The following RPH3A variants were observed in gnomAD, a reference collection of about 807,000 sequenced individuals.
RPH3A encodes the protein rabphilin 3A, also known as rabphilin-3A.
In RPH3A, 48 loss-of-function variants were observed where a neutral mutation model predicts 102.2. The observed-to-expected ratio is 0.47, with a 90% CI of 0.37 to 0.60. The LOEUF (loss-of-function observed/expected upper bound fraction) is 0.60. RPH3A is among the 20% of genes least tolerant of loss of function. RPH3A has a pLI of 0.00. For synonymous variants in RPH3A, 310 were observed against 324.3 expected, an observed-to-expected ratio of 0.96 and a Z score of 0.47; for missense variants, 781 against 910.1, an observed-to-expected ratio of 0.86 and a Z score of 1.83.
chr12:112,606,522 C>T (rs2039598038), intron 1 of RPH3A, among the ~76,000 whole-genome samples: 2 of 151,950 alleles, frequency 1.3e-5, no homozygotes, highest in South Asian at 4.1e-4. Flanking sequence ...GCTGGGATTA[C>T]AGTGCCCGCC....
intron 1 of RPH3A, among the ~76,000 whole-genome samples, chr12:112,743,360 G>C (rs554855992): frequency 3.3e-4 from 50 of 152,312 alleles, no homozygotes; most frequent in Admixed American, 3.1e-3. Context: ...CTCTAGATGT[G>C]CCACTGGGTA....
At chr12:112,802,031 T>C (rs2041364895) in intron 2 of RPH3A, among the ~76,000 whole-genome samples, 1 of 152,226 alleles carries the variant, frequency 6.6e-6, no homozygotes, top group Non-Finnish European at 1.5e-5. Context: ...TTTTCTTATG[T>C]GAGTTTCCCT....
rs567075460 is a variant in RPH3A, at chr12:112,805,136, AT to A, written c.-19+12880del. Among the ~76,000 whole-genome samples the A allele has an allele frequency of 3.9e-5, 6 of 152,294 alleles. No individual in the cohort carries two copies. In the South Asian group the frequency reaches 1.0e-3, roughly 26 times the overall value. ...ATAAAACATTGCAATGTATGGTAGC[AT>A]TTTTTTAAACAAAAGATTGGTGCCC... On this transcript the variant is annotated intron_variant, in intron 2 of 21. Coordinates refer to ENST00000389385, the MANE Select transcript of RPH3A (RefSeq NM_001143854.2).
chr12:112,807,124 T>C (rs2041484541), intron 2 of RPH3A, among the ~76,000 whole-genome samples: 1 of 151,704 alleles, frequency 6.6e-6, no homozygotes, highest in Non-Finnish European at 1.5e-5. Context: ...TCAAGACAAA[T>C]CAAGCAATTT....
At chr12:112,722,847 G>A (rs950630604) in intron 1 of RPH3A, among the ~76,000 whole-genome samples, 3 of 152,216 alleles carry the variant, frequency 2.0e-5, no homozygotes, top group Non-Finnish European at 4.4e-5. Context: ...TGCCATAGCA[G>A]CCTGGTACTC....
intron 1 of RPH3A, among the ~76,000 whole-genome samples, chr12:112,752,568 A>G (rs2136061628): frequency 6.6e-6 from 1 of 150,684 alleles, no homozygotes; most frequent in East Asian, 1.9e-4. Flanking sequence ...CAAAACAGAA[A>G]TATTACGTTA....
intron 7 of RPH3A, among the ~76,000 whole-genome samples, chr12:112,867,281 C>G (rs1007195290): frequency 6.6e-6 from 1 of 152,038 alleles, no homozygotes; most frequent in African/African-American, 2.4e-5. Context: ...GGCGATTTCT[C>G]TTTACTTTGT....
chr12:112,615,327 C>A (rs544474063), intron 1 of RPH3A, among the ~76,000 whole-genome samples: 6 of 152,262 alleles, frequency 3.9e-5, no homozygotes, highest in African/African-American at 1.4e-4. Flanking sequence ...ATCTGGTGAA[C>A]CCTGGCACCA....
chr12:112,873,783 G>T (rs987092113), intron 10 of RPH3A: 1 of 152,346 alleles, frequency 6.6e-6, no homozygotes, highest in East Asian at 1.9e-4. Context: ...TCAAGGCCTG[G>T]TGCATTTGAA....
At chr12:112,618,950 T>G (rs915633907) in intron 1 of RPH3A, among the ~76,000 whole-genome samples, 9 of 152,222 alleles carry the variant, frequency 5.9e-5, no homozygotes, top group Admixed American at 5.9e-4. Context: ...TGGAATAATA[T>G]AATATTTGTC....
At chr12:112,890,718 G>C in intron 18 of RPH3A, 131 bp from the exon 19 acceptor site, 2 of 976,490 alleles carry the variant, frequency 2.0e-6, no homozygotes, top group Non-Finnish European at 3.0e-6. Flanking sequence ...GCCATCTGCT[G>C]TCCCTGGTAC....
intron 1 of RPH3A, among the ~76,000 whole-genome samples, chr12:112,615,926 T>C (rs956194262): frequency 1.3e-5 from 2 of 152,170 alleles, no homozygotes; most frequent in Non-Finnish European, 1.5e-5. Flanking sequence ...TAAGGTTTTA[T>C]CTATATTGTC....
At position 112,774,009 on chromosome 12, in the gene RPH3A, C is replaced by T. The variant is rs145045747; in HGVS notation, c.-139-18134C>T. On this transcript the variant is annotated intron_variant, in intron 1 of 21. Transcript: ENST00000543106. ...CTGAGGCAGGACAATCGCTTGAGCC[C>T]GGGAGGCGGAGGTTGCAGTGAGCCG... 8.0e-3 allele frequency among the ~76,000 whole-genome samples: 1,124 copies of T among 140,570 alleles called. 17 individuals are homozygous for T. Among genetic ancestry groups the T allele is most frequent in the African/African-American group, 0.029 (1,050 of 36,564 alleles). The allele number at this position is 140,570 out of a possible 152,430, so 92.2% of individuals were successfully genotyped here.
chr12:112,838,438 C>T (rs1593065377), intron 4 of RPH3A, among the ~76,000 whole-genome samples: 1 of 152,164 alleles, frequency 6.6e-6, no homozygotes. Context: ...GCCTTTATAC[C>T]AGCTGGGCAT....
At position 112,591,989 on chromosome 12, in the gene RPH3A, A is replaced by C. The variant is rs374734009; in HGVS notation, c.-140+16670A>C. The stretch of plus-strand genomic sequence containing the variant: ...TGACATAGAATGGTGTAGTATTCGC[A>C]TGTAACCTATGCATGTCCTCTTTGC... On this transcript the variant is annotated intron_variant, in intron 1 of 21. Coordinates refer to the RPH3A transcript ENST00000543106. Among the ~76,000 whole-genome samples, 7 of 152,206 alleles carry C rather than the reference A, an allele frequency of 4.6e-5. No individual in the cohort carries two copies. The East Asian group carries it at 5.8e-4, about 13-fold the overall frequency.
chr12:112,601,957 C>A (rs1398426676), intron 1 of RPH3A, among the ~76,000 whole-genome samples: 1 of 151,974 alleles, frequency 6.6e-6, no homozygotes, highest in Non-Finnish European at 1.5e-5. Flanking sequence ...ATAAACAAAC[C>A]AGCCAAATAG....
chr12:112,895,639 C>A, intron 20 of RPH3A, 138 bp from the exon 21 acceptor site: 4 of 606,140 alleles, frequency 6.6e-6, no homozygotes, highest in South Asian at 5.9e-5. Context: ...AGGATCGGCA[C>A]GGGAAGACCT....
chr12:112,859,890 C>A (rs11066435), intron 5 of RPH3A, among the ~76,000 whole-genome samples: 5,255 of 152,302 alleles, frequency 0.035, 142 homozygotes, highest in Non-Finnish European at 0.057. Context: ...CTCAACAGGA[C>A]TTCATGCTTA....
At chr12:112,739,475 C>G (rs533430114) in intron 1 of RPH3A, among the ~76,000 whole-genome samples, 58 of 152,300 alleles carry the variant, frequency 3.8e-4, no homozygotes, top group Non-Finnish European at 1.6e-4. Flanking sequence ...TATGCCTGCC[C>G]TTAACAGGGA....
Sources: gnomAD v4.1 joint callset for allele counts (sites outside exome capture counted in the v4.1 genomes callset) on GRCh38, gnomAD v4.1.1 for gene constraint, MANE v1.5 for transcripts, NCBI Gene and HGNC (gene_info 2026-07-23, HGNC 2026-07-21) for gene names.